Variants in FGF13 observed in about 807,000 individuals in gnomAD.
The protein encoded by FGF13 is fibroblast growth factor 13.
FGF13 carries 2 observed loss-of-function variants against 19.5 expected under a neutral mutation model. The ratio of observed to expected loss-of-function variants is 0.10; its 90% CI spans 0.04 to 0.32. The LOEUF (loss-of-function observed/expected upper bound fraction) is 0.32. Among genes scored for constraint, FGF13 ranks in the 10% least tolerant of loss-of-function variants. The pLI is 1.00. For missense variants in FGF13, 113 were observed against 192.7 expected (o/e 0.59, Z 2.45); for synonymous variants, 72 against 76.9 (o/e 0.94, Z 0.33).
intron 1 of FGF13, among the ~76,000 whole-genome samples, chrX:138,940,348 A>G (rs2091751829): frequency 8.9e-6 from 1 of 111,953 alleles, no homozygotes; most frequent in Non-Finnish European, 1.9e-5. Flanking sequence ...TCAGATGCAT[A>G]GTTTGCAAAT....
At chrX:138,966,679 A>G (rs139196562) in intron 1 of FGF13, among the ~76,000 whole-genome samples, 2,258 of 111,466 alleles carry the variant, frequency 0.02, 63 homozygotes, top group African/African-American at 0.07. Flanking sequence ...GCTAGAATGG[A>G]TTACGACTCT....
intron 1 of FGF13, among the ~76,000 whole-genome samples, chrX:139,156,953 C>T (rs140447957): frequency 9.0e-6 from 1 of 111,593 alleles, no homozygotes; most frequent in East Asian, 2.8e-4. Flanking sequence ...AAGAACCAAA[C>T]AAGAGGCCGC....
intron 1 of FGF13, among the ~76,000 whole-genome samples, chrX:139,033,921 A>G (rs1348710935): frequency 2.7e-5 from 3 of 111,673 alleles, no homozygotes; most frequent in Admixed American, 1.9e-4. Flanking sequence ...AATCTCTAAC[A>G]TAATATCTGA....
intron 3 of FGF13, among the ~76,000 whole-genome samples, chrX:138,849,045 G>A (rs766301937): frequency 2.7e-5 from 3 of 111,519 alleles, no homozygotes; most frequent in Non-Finnish European, 3.8e-5. Flanking sequence ...GGTGGGAATC[G>A]AGAGGAAGGG....
intron 1 of FGF13, among the ~76,000 whole-genome samples, chrX:139,038,170 G>A (rs933462416): frequency 2.7e-5 from 3 of 111,107 alleles, no homozygotes; most frequent in Admixed American, 1.9e-4. Flanking sequence ...CCCTCTCCAA[G>A]CTCTGTAACC....
chrX:138,969,762 G>C (rs895634077), intron 1 of FGF13, among the ~76,000 whole-genome samples: 1 of 111,605 alleles, frequency 9.0e-6, no homozygotes, highest in African/African-American at 3.3e-5. Context: ...AAATTTAAAA[G>C]TCTAACACCA....
chrX:139,195,788 ATAT>A (rs1242659053), intron 1 of FGF13, among the ~76,000 whole-genome samples: 1 of 112,747 alleles, frequency 8.9e-6, no homozygotes, highest in Admixed American at 9.4e-5. Flanking sequence ...ATTTTTGGAA[ATAT>A]TATCTAACTG....
intron 1 of FGF13, among the ~76,000 whole-genome samples, chrX:139,081,536 A>G (rs1194571544): frequency 9.0e-6 from 1 of 111,407 alleles, no homozygotes; most frequent in Admixed American, 9.5e-5. Flanking sequence ...TTGTACTCCA[A>G]TCCTGTATAT....
intron 3 of FGF13, 109 bp from the exon 4 acceptor site, chrX:138,635,764 G>A (rs754077224): frequency 1.1e-5 from 6 of 524,529 alleles, no homozygotes; most frequent in South Asian, 6.1e-5. Flanking sequence ...GTAAAAGCTC[G>A]TGTGACTGGT....
intron 1 of FGF13, among the ~76,000 whole-genome samples, chrX:139,024,067 C>T (rs1226736918): frequency 1.4e-4 from 15 of 110,841 alleles, no homozygotes; most frequent in Non-Finnish European, 9.5e-5. Flanking sequence ...TCCATTAAAA[C>T]AATTTTTTTT....
chrX:138,895,182 T>G (rs960357881), intron 1 of FGF13, among the ~76,000 whole-genome samples: 15 of 112,012 alleles, frequency 1.3e-4, no homozygotes, highest in Non-Finnish European at 2.4e-4. Flanking sequence ...AAACAGGATA[T>G]ATTCAAGGTG....
At chrX:138,838,660 T>C (rs2091129461) in intron 3 of FGF13, among the ~76,000 whole-genome samples, 1 of 112,072 alleles carries the variant, frequency 8.9e-6, no homozygotes, top group East Asian at 2.8e-4. Context: ...CTGTGTTTAC[T>C]GTCCTTTCCA....
intron 1 of FGF13, among the ~76,000 whole-genome samples, chrX:139,041,832 T>G (rs1395440782): frequency 1.8e-5 from 2 of 112,271 alleles, no homozygotes; most frequent in Admixed American, 1.9e-4. Flanking sequence ...CCTTAATGAT[T>G]GTTGGTGGAA....
At chrX:138,761,495 C>T (rs2090465870) in intron 3 of FGF13, among the ~76,000 whole-genome samples, 1 of 111,449 alleles carries the variant, frequency 9.0e-6, no homozygotes, top group Non-Finnish European at 1.9e-5. Context: ...ATGCTGCCAT[C>T]CACAGGGTTA....
At chrX:138,911,880 A>T (rs780531361) in intron 1 of FGF13, among the ~76,000 whole-genome samples, 1 of 112,087 alleles carries the variant, frequency 8.9e-6, no homozygotes, top group South Asian at 3.8e-4. Context: ...CTCAGGAATA[A>T]TTCCTTGACT....
At chrX:138,965,337 G>A (rs1353102733) in intron 1 of FGF13, among the ~76,000 whole-genome samples, 1 of 112,147 alleles carries the variant, frequency 8.9e-6, no homozygotes, top group Non-Finnish European at 1.9e-5. Flanking sequence ...TTAGAGCACT[G>A]ACTGAATCCA....
chrX:138,810,426 C>T (rs1275975425), intron 3 of FGF13, among the ~76,000 whole-genome samples: 4 of 111,348 alleles, frequency 3.6e-5, no homozygotes, highest in African/African-American at 1.3e-4. Flanking sequence ...TTCCTTACAC[C>T]TTATACAAAA....
chrX:139,164,717 AAATAAATG>A lies in FGF13; in HGVS notation c.-113+38691_-113+38698del, dbSNP rs1405865947. On this transcript the variant is annotated intron_variant, in intron 1 of 2. Coordinates refer to the FGF13 transcript ENST00000421460. The stretch of plus-strand genomic sequence containing the variant: ...TAAATAAATAAATAAATAAATAAAT[AAATAAATG>A]AATGGAGAATTCTATTAAAAAATAC... Among the ~76,000 whole-genome samples, 469 of 109,838 alleles carry A rather than the reference AAATAAATG, an allele frequency of 4.3e-3. 7 individuals are homozygous for A. The highest frequency in any genetic ancestry group is 0.015 in the African/African-American group (438 of 29,953).
intron 1 of FGF13, among the ~76,000 whole-genome samples, chrX:139,202,049 G>C (rs2084419401): frequency 8.9e-6 from 1 of 112,391 alleles, no homozygotes; most frequent in Non-Finnish European, 1.9e-5. Flanking sequence ...AAAATGTTAT[G>C]ACACATGCCT....
Sources: gnomAD v4.1 joint callset for allele counts (sites outside exome capture counted in the v4.1 genomes callset) on GRCh38, gnomAD v4.1.1 for gene constraint, MANE v1.5 for transcripts, NCBI Gene and HGNC (gene_info 2026-07-23, HGNC 2026-07-21) for gene names.